Variants in RBMS3 observed in about 807,000 individuals in gnomAD.
The protein encoded by RBMS3 is RNA binding motif single stranded interacting protein 3.
RBMS3 carries 27 observed loss-of-function variants against 66.8 expected under a neutral mutation model. The observed-to-expected ratio is 0.40, with a 90% CI of 0.30 to 0.56. The LOEUF (loss-of-function observed/expected upper bound fraction) is 0.56, where lower values mean the gene tolerates loss of function less well. Among genes scored for constraint, RBMS3 ranks in the 20% least tolerant of loss-of-function variants. RBMS3 has a pLI of 0.40. For missense variants in RBMS3, 513 were observed against 549.5 expected (o/e 0.93, Z 0.66); for synonymous variants, 188 against 183.0 (o/e 1.03, Z -0.22).
chr3:29,342,252 A>T (rs1314099471), intron 1 of RBMS3, among the ~76,000 whole-genome samples: 2 of 152,088 alleles, frequency 1.3e-5, no homozygotes, highest in African/African-American at 4.8e-5. Context: ...ATCCGAGGAG[A>T]TTTGAGACCT....
At chr3:29,899,155 T>A (rs1281974277) in intron 9 of RBMS3, among the ~76,000 whole-genome samples, 2 of 151,750 alleles carry the variant, frequency 1.3e-5, no homozygotes, top group Non-Finnish European at 2.9e-5. Context: ...TTATACCAAT[T>A]ACCATGAGCG....
At chr3:29,486,757 A>G (rs2125828700) in intron 2 of RBMS3, among the ~76,000 whole-genome samples, 2 of 152,320 alleles carry the variant, frequency 1.3e-5, no homozygotes, top group East Asian at 1.9e-4. Context: ...GAAATCCACT[A>G]TGAAACACAG....
intron 1 of RBMS3, among the ~76,000 whole-genome samples, chr3:29,325,898 A>G (rs2035307918): frequency 6.6e-6 from 1 of 152,164 alleles, no homozygotes. Flanking sequence ...CTTTAACTTC[A>G]TTCTTCTCCT....
chr3:29,915,469 T>C (rs559712380), intron 10 of RBMS3, among the ~76,000 whole-genome samples: 1 of 152,058 alleles, frequency 6.6e-6, no homozygotes, highest in Non-Finnish European at 1.5e-5. Context: ...ATGCTTTTTG[T>C]TGGTGTTTTC....
At chr3:29,401,844 G>T (rs549113918) in intron 1 of RBMS3, among the ~76,000 whole-genome samples, 1 of 152,160 alleles carries the variant, frequency 6.6e-6, no homozygotes, top group Admixed American at 6.5e-5. Flanking sequence ...CAGCTGCTAC[G>T]ATTCTTTACT....
chr3:29,991,719 C>T (rs1468199830), intron 14 of RBMS3: 1 of 151,556 alleles, frequency 6.6e-6, no homozygotes, highest in Non-Finnish European at 1.5e-5. Context: ...AAAAAAAAAG[C>T]TACCATATTT....
rs567050342 is a variant in RBMS3, at chr3:29,432,636, G to A, written c.76-2107G>A. On this transcript the variant is annotated intron_variant, in intron 1 of 14. Coordinates refer to ENST00000383767, the MANE Select transcript of RBMS3 (RefSeq NM_001003793.3). Reference sequence around the variant, plus strand: ...TACATGACATACTCATGTATGGTTTGACACATTCCCTGCTCTCAGGAAACA... The same window carrying A: ...TACATGACATACTCATGTATGGTTTAACACATTCCCTGCTCTCAGGAAACA... 2.6e-5 allele frequency among the ~76,000 whole-genome samples: 4 copies of A among 152,234 alleles called. No homozygotes were observed. The South Asian group carries it at 6.2e-4, about 24-fold the overall frequency.
intron 6 of RBMS3, among the ~76,000 whole-genome samples, chr3:29,793,617 A>G (rs890067191): frequency 6.6e-6 from 1 of 152,260 alleles, no homozygotes; most frequent in Non-Finnish European, 1.5e-5. Flanking sequence ...CATTATAAAC[A>G]TGGCCAACTC....
intron 4 of RBMS3, among the ~76,000 whole-genome samples, chr3:29,640,286 C>CACACACACA (rs879853761): frequency 3.3e-5 from 4 of 123,056 alleles, no homozygotes; most frequent in African/African-American, 9.1e-5. Flanking sequence ...ACACACACAC[C>CACACACACA]CACACACACA....
chr3:29,827,848 GATGATAGAA>G (rs1559713464), intron 6 of RBMS3, among the ~76,000 whole-genome samples: 1 of 152,254 alleles, frequency 6.6e-6, no homozygotes, highest in East Asian at 1.9e-4. Context: ...AGACCAAAAA[GATGATAGAA>G]ATGAAATAAT....
chr3:29,466,848 A>T (rs759716981), intron 2 of RBMS3, among the ~76,000 whole-genome samples: 99 of 152,212 alleles, frequency 6.5e-4, no homozygotes, highest in Admixed American at 1.0e-3. Flanking sequence ...CTCTCTATGC[A>T]GTTTGAATGT....
intron 6 of RBMS3, among the ~76,000 whole-genome samples, chr3:29,789,299 A>G (rs2056925377): frequency 1.3e-5 from 2 of 152,126 alleles, no homozygotes; most frequent in African/African-American, 4.8e-5. Flanking sequence ...TATAATGCCC[A>G]TACTGAGAAT....
At position 29,569,762 on chromosome 3, in the gene RBMS3, C is replaced by G. The variant is rs1321931287; in HGVS notation, c.308-17352C>G. On this transcript the variant is annotated intron_variant, in intron 3 of 14. Transcript: ENST00000383767. ...CTTAGGAAAAATCATTCTCTAAAGTCTAGGAGGCTTTGAAAGCATTGCCTA... is the reference window on the plus strand; with the variant it reads ...CTTAGGAAAAATCATTCTCTAAAGTGTAGGAGGCTTTGAAAGCATTGCCTA... 2.0e-5 allele frequency among the ~76,000 whole-genome samples: 3 copies of G among 152,048 alleles called. No homozygotes were observed. The East Asian group carries it at 5.8e-4, about 29-fold the overall frequency.
At chr3:29,818,264 C>A (rs2371817) in intron 6 of RBMS3, among the ~76,000 whole-genome samples, 81,112 of 151,660 alleles carry the variant, frequency 0.53, 22,320 homozygotes, top group African/African-American at 0.62. Context: ...GACAGTATAC[C>A]GCATTGTTTT....
intron 6 of RBMS3, among the ~76,000 whole-genome samples, chr3:29,796,968 A>G (rs561768751): frequency 5.3e-5 from 8 of 151,776 alleles, no homozygotes; most frequent in Non-Finnish European, 1.0e-4. Context: ...CGCCTCAGTC[A>G]CCCGAAGTGC....
At chr3:29,830,252 G>A (rs4680855) in intron 6 of RBMS3, among the ~76,000 whole-genome samples, 76,279 of 151,788 alleles carry the variant, frequency 0.5, 19,578 homozygotes, top group Non-Finnish European at 0.55. Context: ...TAATTTTAAA[G>A]CAATTTGACT....
At chr3:29,661,041 G>T (rs2050524269) in intron 4 of RBMS3, among the ~76,000 whole-genome samples, 1 of 152,214 alleles carries the variant, frequency 6.6e-6, no homozygotes, top group Non-Finnish European at 1.5e-5. Flanking sequence ...CTAGCTATCT[G>T]CAGGTTGCTC....
intron 3 of RBMS3, among the ~76,000 whole-genome samples, chr3:29,549,973 C>T (rs906905457): frequency 2.6e-5 from 4 of 151,990 alleles, no homozygotes; most frequent in African/African-American, 9.7e-5. Context: ...AAAAATGAAA[C>T]AAAAACAACC....
intron 1 of RBMS3, among the ~76,000 whole-genome samples, chr3:29,324,147 A>T (rs1009956412): frequency 1.3e-5 from 2 of 152,170 alleles, no homozygotes; most frequent in African/African-American, 2.4e-5. Flanking sequence ...CTGTGCAATG[A>T]ACTTAAATGC....
Sources: allele counts gnomAD v4.1 joint callset (sites outside exome capture counted in the v4.1 genomes callset), GRCh38; gene constraint gnomAD v4.1.1; transcripts MANE v1.5; gene names NCBI Gene and HGNC (gene_info 2026-07-23, HGNC 2026-07-21).